Variants in MMS22L observed in about 807,000 individuals in gnomAD.
The protein encoded by MMS22L is protein MMS22-like.
MMS22L carries 74 observed loss-of-function variants against 159.1 expected under a neutral mutation model. The observed-to-expected ratio is 0.47, with a 90% CI of 0.39 to 0.56. The LOEUF is 0.56. MMS22L is among the 20% of genes least tolerant of loss of function. MMS22L has a pLI of 0.00. For synonymous variants in MMS22L, 517 were observed against 506.9 expected (o/e 1.02, Z -0.27); for missense variants, 1,351 against 1,422.1 (o/e 0.95, Z 0.80).
At position 97,168,245 on chromosome 6, in the gene MMS22L, C is replaced by G. The variant is rs368154455; in HGVS notation, c.2840-5G>C. On this transcript the variant is annotated splice_polypyrimidine_tract_variant and splice_region_variant and intron_variant, in intron 19 of 24. Coordinates refer to ENST00000683635, the MANE Select transcript of MMS22L (RefSeq NM_001350599.2). ...CCCATGATTTCACAAGAATTCCTAA[C>G]AAAGAAGAGAAGTAACAGCATGTTG... 6 of 1,611,592 alleles carry G rather than the reference C, an allele frequency of 3.7e-6. 1 individual carries two copies. In the African/African-American group the frequency reaches 6.7e-5, roughly 18 times the overall value.
At chr6:97,260,776 T>TCAGA (rs1170792806) in intron 9 of MMS22L, 1 of 152,220 alleles carries the variant, frequency 6.6e-6, no homozygotes, top group African/African-American at 2.4e-5. Flanking sequence ...CTTAAAAGAT[T>TCAGA]CTTAATTCAG....
intron 12 of MMS22L, among the ~76,000 whole-genome samples, chr6:97,233,067 GAAAA>G (rs573093148): frequency 7.6e-6 from 1 of 132,094 alleles, no homozygotes; most frequent in Admixed American, 7.6e-5. Context: ...ACCACTTTCA[GAAAA>G]AAAAAAAAAG....
chr6:97,163,552 G>C (rs1392503243), intron 21 of MMS22L, among the ~76,000 whole-genome samples: 1 of 151,998 alleles, frequency 6.6e-6, no homozygotes, highest in Admixed American at 6.6e-5. Flanking sequence ...GTTTTAAACA[G>C]TTTTACAGAT....
intron 14 of MMS22L, among the ~76,000 whole-genome samples, chr6:97,225,062 A>C (rs1377771786): frequency 6.6e-6 from 1 of 152,154 alleles, no homozygotes; most frequent in East Asian, 1.9e-4. Flanking sequence ...TTCACCTATA[A>C]ATAGGGATGG....
At position 97,150,455 on chromosome 6, in the gene MMS22L, C is replaced by A. The variant is rs532878428; in HGVS notation, c.3483-435G>T. Among the ~76,000 whole-genome samples, 17 of 152,096 alleles carry A rather than the reference C, an allele frequency of 1.1e-4. 2 individuals are homozygous for A. In the South Asian group the frequency reaches 3.5e-3, roughly 32 times the overall value. On this transcript the variant is annotated intron_variant, in intron 23 of 24. Transcript: ENST00000683635. ...ATTTTTATGAGGAAAGCAAGTTATT[C>A]CTAATATATTTTATGTTCCTTAACT...
rs569517807 is a variant in MMS22L, at chr6:97,255,182, C to T, written c.943-449G>A. Among the ~76,000 whole-genome samples the T allele has an allele frequency of 2.6e-5, 4 of 152,174 alleles. No individual in the cohort carries two copies. The East Asian group carries it at 7.7e-4, about 29-fold the overall frequency. On this transcript the variant is annotated intron_variant, in intron 9 of 24. Transcript: ENST00000683635. The stretch of plus-strand genomic sequence containing the variant: ...TAATGAAAACTGCCATAGCTTATTG[C>T]AATATTCCAGTATATGACTATATGA...
At chr6:97,175,743 G>C (rs1286169167) in intron 18 of MMS22L, among the ~76,000 whole-genome samples, 1 of 152,114 alleles carries the variant, frequency 6.6e-6, no homozygotes, top group African/African-American at 2.4e-5. Flanking sequence ...TCAAGATCAC[G>C]ATGACAAATA....
chr6:97,209,893 A>G lies in MMS22L; in HGVS notation c.2039+19001T>C, dbSNP rs79349370. Among the ~76,000 whole-genome samples the G allele has an allele frequency of 3.0e-3, 463 of 152,106 alleles. 4 individuals carry two copies. Among genetic ancestry groups the G allele is most frequent in the Non-Finnish European group, 4.1e-3 (277 of 67,878 alleles). ...CAGCTCTATATAAGCAGAAAACTAA[A>G]TAATGGTAATTTAGTAAAATTTAAT... On this transcript the variant is annotated intron_variant, in intron 14 of 24. Coordinates refer to ENST00000683635, the MANE Select transcript of MMS22L (RefSeq NM_001350599.2).
chr6:97,271,727 A>G (rs1292440194), intron 6 of MMS22L: 1 of 152,222 alleles, frequency 6.6e-6, no homozygotes, highest in East Asian at 1.9e-4. Flanking sequence ...GCTGGAATGC[A>G]GTGGTGCAAT....
At position 97,231,523 on chromosome 6, in the gene MMS22L, T is replaced by C. The variant is rs1421772201; in HGVS notation, c.1432A>G (p.Ser478Gly). The change falls in exon 13 of 25, where the codon AGC becomes GGC. Residue 478 changes from serine to glycine, a missense_variant. By Grantham distance (56) the Ser-to-Gly change is moderately conservative. Transcript: ENST00000683635. ...CAAAGAAAAATAGTATAACTACTGC[T>C]GGATTTATATAGTTCCTGATCTTGT... Reference protein sequence around the residue: ...DKQDQELYKSSSSYTIFLCIL... With the variant: ...DKQDQELYKSGSSYTIFLCIL... The C allele has an allele frequency of 6.2e-7, 1 of 1,613,664 alleles. No homozygotes were observed. The highest frequency in any genetic ancestry group is 8.5e-7 in the Non-Finnish European group (1 of 1,179,632).
intron 14 of MMS22L, among the ~76,000 whole-genome samples, chr6:97,195,376 T>A (rs935320829): frequency 6.6e-5 from 10 of 151,944 alleles, no homozygotes; most frequent in Non-Finnish European, 7.4e-5. Context: ...TTGGATAAAA[T>A]CCAAGTGGAT....
At chr6:97,164,373 A>C (rs1193848290) in intron 21 of MMS22L, among the ~76,000 whole-genome samples, 4 of 151,784 alleles carry the variant, frequency 2.6e-5, no homozygotes, top group African/African-American at 9.7e-5. Context: ...ATAGCATCTT[A>C]AAGTTTAAAA....
chr6:97,279,435 G>A (rs536859714), intron 3 of MMS22L, among the ~76,000 whole-genome samples: 1 of 151,882 alleles, frequency 6.6e-6, no homozygotes, highest in South Asian at 2.1e-4. Flanking sequence ...AGTAAGCAGA[G>A]ATCGCACCAC....
intron 22 of MMS22L, among the ~76,000 whole-genome samples, chr6:97,159,948 G>GTTTTTTTTTTTTTT (rs368455553): frequency 9.3e-5 from 9 of 97,178 alleles, no homozygotes; most frequent in African/African-American, 1.2e-4. Flanking sequence ...TATCATTTCT[G>GTTTTTTTTTTTTTT]TTTTTTTTTT....
chr6:97,229,353 C>A lies in MMS22L; in HGVS notation c.1580G>T (p.Gly527Val), dbSNP rs1810608818. 1.2e-6 allele frequency: 2 copies of A among 1,605,514 alleles called. No homozygotes were observed. The highest frequency in any genetic ancestry group is 1.7e-6 in the Non-Finnish European group (2 of 1,175,748). The change falls in exon 14 of 25, where the codon GGT becomes GTT. Residue 527 changes from glycine to valine, a missense_variant. Coordinates refer to ENST00000683635, the MANE Select transcript of MMS22L (RefSeq NM_001350599.2). ...AAAAAGGCTAAAAAAGTTCTGTAGA[C>A]CAACTTCAGTTAGTTCTTCCATTCT... ...QKRMEELTEV[G>V]LQNFFSLFLL...
Position 97,178,446 on chromosome 6 carries a change from A to C in MMS22L, c.2676T>G (p.Phe892Leu). The C allele has an allele frequency of 1.9e-6, 3 of 1,543,386 alleles. No homozygotes were observed. Among genetic ancestry groups the C allele is most frequent in the Non-Finnish European group, 2.6e-6 (3 of 1,147,918 alleles). Residue 892 changes from phenylalanine (F) to leucine (L), a missense_variant, in exon 18 of 25, where the codon TTT (phenylalanine) becomes TTG (leucine). Physicochemically the swap from Phe to Leu is conservative, Grantham distance 22 (BLOSUM62 0). Transcript: ENST00000683635. ...TATACTAATAAATGACAAATACCTC[A>C]AAGAATCGAACAAGTGCTTTTTTAG... is the stretch of plus-strand genomic sequence containing the variant. ...EDPKKALVRF[F>L]EAVGVTYGNV...
At chr6:97,214,315 A>C (rs1466979973) in intron 14 of MMS22L, among the ~76,000 whole-genome samples, 1 of 152,128 alleles carries the variant, frequency 6.6e-6, no homozygotes. Context: ...GAAATAGTTA[A>C]TCCACACCAT....
At chr6:97,175,045 C>G (rs1196229399) in intron 18 of MMS22L, among the ~76,000 whole-genome samples, 1 of 152,070 alleles carries the variant, frequency 6.6e-6, no homozygotes, top group African/African-American at 2.4e-5. Flanking sequence ...CTTTTGCACA[C>G]TTAAAAATGG....
intron 14 of MMS22L, among the ~76,000 whole-genome samples, chr6:97,205,084 C>T (rs1218672576): frequency 6.6e-6 from 1 of 151,350 alleles, no homozygotes; most frequent in Non-Finnish European, 1.5e-5. Flanking sequence ...GCTGGGACTA[C>T]AGGTGTGCGC....
Sources: gnomAD v4.1 joint callset for allele counts (sites outside exome capture counted in the v4.1 genomes callset) on GRCh38, gnomAD v4.1.1 for gene constraint, MANE v1.5 for transcripts, NCBI Gene and HGNC (gene_info 2026-07-23, HGNC 2026-07-21) for gene names.